The following CPAP variants were observed in gnomAD, a reference collection of about 807,000 sequenced individuals.
CPAP encodes centrosomal P4.1-associated protein.
chr13:24,893,000 T>A, the CPAP span: 1 of 731,834 alleles, frequency 1.4e-6, no homozygotes, highest in Non-Finnish European at 2.3e-6. Flanking sequence ...AGACGACATT[T>A]AAGACGAATG....
chr13:24,892,042 G>A, the CPAP span, among the ~76,000 whole-genome samples: 1 of 152,124 alleles, frequency 6.6e-6, no homozygotes, highest in East Asian at 1.9e-4. Flanking sequence ...CACACCACAC[G>A]TTTTATTATT....
the CPAP span, chr13:24,912,626 T>C: frequency 1.2e-6 from 2 of 1,613,668 alleles, no homozygotes; most frequent in African/African-American, 2.7e-5. Flanking sequence ...GCCCCTTCTT[T>C]GAATTCACTC....
the CPAP span, chr13:24,889,391 C>G: frequency 6.2e-7 from 1 of 1,603,464 alleles, no homozygotes; most frequent in Admixed American, 1.7e-5. Context: ...TGAAATCGAA[C>G]AGATGTGTTC....
chr13:24,910,155 AC>A, the CPAP span: 27 of 1,398,004 alleles, frequency 1.9e-5, no homozygotes, highest in African/African-American at 4.2e-5. Context: ...CCCAGTAGTG[AC>A]CCCCACCCCA....
chr13:24,922,703 A>G, the CPAP span: 2 of 152,268 alleles, frequency 1.3e-5, no homozygotes, highest in South Asian at 4.1e-4. Context: ...ACCGCCGTCC[A>G]TCTCCGGCGC....
At chr13:24,889,226 T>C in the CPAP span, 200 of 930,190 alleles carry the variant, frequency 2.2e-4, no homozygotes, top group East Asian at 2.0e-3. Flanking sequence ...TTCAAAAACA[T>C]TTATTAAGAA....
At chr13:24,891,956 G>A in the CPAP span, among the ~76,000 whole-genome samples, 7 of 152,052 alleles carry the variant, frequency 4.6e-5, no homozygotes, top group Admixed American at 1.3e-4. Context: ...CCTTACATGC[G>A]CTTCCCAGAC....
the CPAP span, among the ~76,000 whole-genome samples, chr13:24,927,045 C>G: frequency 6.6e-6 from 1 of 152,152 alleles, no homozygotes. Flanking sequence ...ATGGGTCACT[C>G]AGAAACAGAA....
At chr13:24,901,213 G>C in the CPAP span, among the ~76,000 whole-genome samples, 6 of 152,196 alleles carry the variant, frequency 3.9e-5, no homozygotes, top group African/African-American at 1.4e-4. Context: ...AGCAAACACT[G>C]GGGGAGGAAT....
the CPAP span, chr13:24,884,128 A>AT: frequency 6.3e-7 from 1 of 1,588,420 alleles, no homozygotes; most frequent in Non-Finnish European, 8.6e-7. Context: ...AAGGAAGGGA[A>AT]GAATTTAATG....
At chr13:24,912,813 T>G in the CPAP span, 1 of 1,614,224 alleles carries the variant, frequency 6.2e-7, no homozygotes, top group Non-Finnish European at 8.5e-7. Flanking sequence ...GAAGTGAATC[T>G]TCTTCATTTA....
At chr13:24,894,830 C>T in the CPAP span, among the ~76,000 whole-genome samples, 1 of 151,856 alleles carries the variant, frequency 6.6e-6, no homozygotes, top group Non-Finnish European at 1.5e-5. Context: ...AGCAGAGACC[C>T]TGGGGATGGG....
chr13:24,912,854 C>T, the CPAP span: 1 of 1,614,144 alleles, frequency 6.2e-7, no homozygotes. Flanking sequence ...AAATGTGTGC[C>T]TTTAATAGGA....
At chr13:24,928,618 T>G in the CPAP span, among the ~76,000 whole-genome samples, 1 of 152,020 alleles carries the variant, frequency 6.6e-6, no homozygotes, top group Non-Finnish European at 1.5e-5. Context: ...TTAGTAGAGA[T>G]AGGATTTCTC....
the CPAP span, chr13:24,885,338 C>G: frequency 1.9e-6 from 3 of 1,613,972 alleles, no homozygotes; most frequent in East Asian, 6.7e-5. Context: ...TCTTTATATT[C>G]AGGATCTGGG....
chr13:24,914,296 C>T, the CPAP span, among the ~76,000 whole-genome samples: 8 of 152,118 alleles, frequency 5.3e-5, no homozygotes, highest in Non-Finnish European at 1.2e-4. Flanking sequence ...CACTGACATC[C>T]CATTCCTCCA....
the CPAP span, chr13:24,899,499 G>A: frequency 6.8e-6 from 11 of 1,613,642 alleles, no homozygotes; most frequent in Non-Finnish European, 9.3e-6. Flanking sequence ...CGTTCCTTTT[G>A]TAGCTTCCTC....
the CPAP span, among the ~76,000 whole-genome samples, chr13:24,904,944 TATC>T: frequency 6.6e-6 from 1 of 152,180 alleles, no homozygotes; most frequent in African/African-American, 2.4e-5. Context: ...CTTCAAAATT[TATC>T]ATAAGCAAGG....
At chr13:24,895,183 C>A in the CPAP span, among the ~76,000 whole-genome samples, 143 of 152,384 alleles carry the variant, frequency 9.4e-4, no homozygotes, top group Middle Eastern at 3.4e-3. Flanking sequence ...GAAGGCGCAG[C>A]CGGCTCTGTC....
Sources: allele counts gnomAD v4.1 joint callset (sites outside exome capture counted in the v4.1 genomes callset), GRCh38; gene constraint gnomAD v4.1.1; transcripts MANE v1.5; gene names NCBI Gene and HGNC (gene_info 2026-07-23, HGNC 2026-07-21).